The following ANKRD30BL variants were observed in gnomAD, a reference collection of about 807,000 sequenced individuals.
ANKRD30BL encodes the protein putative ankyrin repeat domain-containing protein 30B-like.
Under a neutral mutation model 18.4 loss-of-function variants are expected in ANKRD30BL, and 20 were observed. The ratio of observed to expected loss-of-function variants is 1.09; its 90% CI spans 0.77 to 1.58. The LOEUF (loss-of-function observed/expected upper bound fraction) is 1.58. Ranked by LOEUF, ANKRD30BL falls within the 40% of genes most tolerant of loss-of-function variation. The pLI, the probability that ANKRD30BL is intolerant of heterozygous loss-of-function variation, is 0.00. For missense variants in ANKRD30BL, 224 were observed against 268.6 expected (o/e 0.83, Z 1.16); for synonymous variants, 72 against 100.9 (o/e 0.71, Z 1.72).
chr2:132,157,781 C>A (rs1206366996), intron 1 of ANKRD30BL, among the ~76,000 whole-genome samples: 1 of 152,102 alleles, frequency 6.6e-6, no homozygotes, highest in African/African-American at 2.4e-5. Flanking sequence ...TGTGATGCCT[C>A]ATGAGAATAT....
chr2:132,231,281 T>C (rs1433772768), intron 1 of ANKRD30BL, among the ~76,000 whole-genome samples: 1 of 152,174 alleles, frequency 6.6e-6, no homozygotes, highest in Non-Finnish European at 1.5e-5. Flanking sequence ...TGCAAATGGA[T>C]ATTTGGACCG....
intron 4 of ANKRD30BL, among the ~76,000 whole-genome samples, chr2:132,153,173 A>T (rs901667203): frequency 1.3e-5 from 2 of 152,140 alleles, no homozygotes; most frequent in African/African-American, 4.8e-5. Flanking sequence ...AATCCTTCTG[A>T]CTTGTACAAA....
intron 1 of ANKRD30BL, among the ~76,000 whole-genome samples, chr2:132,196,150 A>AAAAAAG (rs1244278139): frequency 9.2e-5 from 14 of 151,672 alleles, no homozygotes; most frequent in African/African-American, 2.7e-4. Context: ...TCAAAAAAAA[A>AAAAAAG]AAAAAGAAAA....
intron 1 of ANKRD30BL, among the ~76,000 whole-genome samples, chr2:132,206,384 G>A (rs549915593): frequency 2.6e-5 from 4 of 152,254 alleles, no homozygotes; most frequent in Non-Finnish European, 5.9e-5. Flanking sequence ...TGTAATAGTT[G>A]CTAAGTGTGT....
At chr2:132,243,710 G>T (rs973245963) in intron 1 of ANKRD30BL, among the ~76,000 whole-genome samples, 2 of 151,588 alleles carry the variant, frequency 1.3e-5, no homozygotes, top group Non-Finnish European at 3.0e-5. Flanking sequence ...CTGCTTTGAC[G>T]TTTTTACTGG....
chr2:132,205,568 T>A (rs1191695748), intron 1 of ANKRD30BL, among the ~76,000 whole-genome samples: 1 of 138,884 alleles, frequency 7.2e-6, no homozygotes, highest in Non-Finnish European at 1.5e-5. Context: ...ACTGTTGCAC[T>A]CCAGCCTGGG....
chr2:132,198,306 TTCTTTCTTTC>T (rs1679011919), intron 1 of ANKRD30BL, among the ~76,000 whole-genome samples: 1 of 12,600 alleles, frequency 7.9e-5, no homozygotes, highest in South Asian at 2.3e-3. Flanking sequence ...CTTTCTTTCT[TTCTTTCTTTC>T]TTTCTTTCTT....
chr2:132,218,362 C>T (rs1679569167), intron 1 of ANKRD30BL, among the ~76,000 whole-genome samples: 1 of 152,130 alleles, frequency 6.6e-6, no homozygotes, highest in Non-Finnish European at 1.5e-5. Flanking sequence ...CAGAGTTGAA[C>T]ATACCTTATC....
intron 1 of ANKRD30BL, among the ~76,000 whole-genome samples, chr2:132,199,048 A>C (rs1460359445): frequency 2.0e-5 from 3 of 152,190 alleles, no homozygotes; most frequent in Non-Finnish European, 4.4e-5. Flanking sequence ...AGCATGGCAA[A>C]GGATTAGAAA....
intron 1 of ANKRD30BL, among the ~76,000 whole-genome samples, chr2:132,242,467 A>T (rs1444274929): frequency 6.6e-6 from 1 of 151,972 alleles, no homozygotes; most frequent in Non-Finnish European, 1.5e-5. Flanking sequence ...AGCAGGGTTG[A>T]AACACTGATT....
chr2:132,186,465 T>C (rs1688562009), intron 1 of ANKRD30BL, among the ~76,000 whole-genome samples: 1 of 152,234 alleles, frequency 6.6e-6, no homozygotes, highest in Non-Finnish European at 1.5e-5. Flanking sequence ...GGCTTCATTA[T>C]AAGTCTTCAG....
In ANKRD30BL at chr2:132,180,237, T is replaced by A. The variant is rs1688438563; in HGVS notation, n.442-23091A>T. On this transcript the variant is annotated intron_variant and non_coding_transcript_variant, in intron 1 of 4. Coordinates refer to the ANKRD30BL transcript ENST00000470729. ...AGTGTACCCTTTTTTTTTTTTTTTT[T>A]ACTGCACCTTTTCTATGATAAGATG... Among the ~76,000 whole-genome samples, 8 of 136,760 alleles carry A rather than the reference T, an allele frequency of 5.8e-5. No individual in the cohort carries two copies. The South Asian group carries it at 1.6e-3, about 28-fold the overall frequency. 89.7% of individuals were successfully genotyped at this position (136,760 alleles called of 152,430 possible). A position where few individuals can be genotyped will look rare whatever the true frequency, so the allele number is the denominator to read the frequency against.
At chr2:132,246,738 C>T (rs1680510086) in intron 1 of ANKRD30BL, among the ~76,000 whole-genome samples, 1 of 151,868 alleles carries the variant, frequency 6.6e-6, no homozygotes, top group Non-Finnish European at 1.5e-5. Context: ...AGTTGTGAAA[C>T]ACTCCTTTTG....
chr2:132,225,720 C>A (rs79289518), intron 1 of ANKRD30BL, among the ~76,000 whole-genome samples: 2 of 151,514 alleles, frequency 1.3e-5, no homozygotes, highest in East Asian at 2.0e-4. Flanking sequence ...TGTGCATTCA[C>A]CTCACAGAAT....
At chr2:132,182,796 T>A (rs887310084) in intron 1 of ANKRD30BL, among the ~76,000 whole-genome samples, 2 of 152,150 alleles carry the variant, frequency 1.3e-5, no homozygotes, top group Non-Finnish European at 2.9e-5. Flanking sequence ...AATTGCCCAT[T>A]TTTGTGAAAA....
intron 1 of ANKRD30BL, among the ~76,000 whole-genome samples, chr2:132,254,756 T>G (rs1171612582): frequency 6.6e-6 from 1 of 152,204 alleles, no homozygotes. Flanking sequence ...ACGCCACTTG[T>G]CCCTCTAAGA....
intron 1 of ANKRD30BL, among the ~76,000 whole-genome samples, chr2:132,158,577 A>G (rs983658287): frequency 6.6e-6 from 1 of 151,808 alleles, no homozygotes; most frequent in African/African-American, 2.4e-5. Flanking sequence ...GTAAATGTGA[A>G]ATTTTTAAGG....
At chr2:132,152,419 C>T (rs1443005281) in intron 4 of ANKRD30BL, 1 of 152,182 alleles carries the variant, frequency 6.6e-6, no homozygotes, top group East Asian at 1.9e-4. Flanking sequence ...ATCTAACCAA[C>T]TTACTTGAGA....
intron 1 of ANKRD30BL, among the ~76,000 whole-genome samples, chr2:132,167,846 A>T (rs1688215936): frequency 1.3e-5 from 2 of 152,240 alleles, no homozygotes; most frequent in African/African-American, 4.8e-5. Context: ...TAGGTATCTC[A>T]TAAAAATACT....
Sources: allele counts gnomAD v4.1 joint callset (sites outside exome capture counted in the v4.1 genomes callset), GRCh38; gene constraint gnomAD v4.1.1; transcripts MANE v1.5; gene names NCBI Gene and HGNC (gene_info 2026-07-23, HGNC 2026-07-21).